The following PKHD1 variants were observed in gnomAD, a reference collection of about 807,000 sequenced individuals.
PKHD1 encodes the protein PKHD1 ciliary IPT domain containing fibrocystin/polyductin.
A neutral mutation model predicts 412.0 loss-of-function variants in PKHD1; 291 were observed. The observed-to-expected ratio is 0.71, with a 90% CI of 0.64 to 0.78. The LOEUF is 0.78. Among genes scored for constraint, PKHD1 ranks in the 30% least tolerant of loss-of-function variants. The pLI is 0.00. For missense variants in PKHD1, 4,825 were observed against 4,950.7 expected (o/e 0.97, Z 0.76); for synonymous variants, 1,777 against 1,821.5 (o/e 0.98, Z 0.62).
At chr6:51,776,925 G>T (rs1562287306) in intron 53 of PKHD1, among the ~76,000 whole-genome samples, 2 of 152,152 alleles carry the variant, frequency 1.3e-5, no homozygotes, top group Admixed American at 1.3e-4. Flanking sequence ...TGTCAAATTA[G>T]CGTTAGTGAG....
At chr6:51,920,867 A>C (rs567249974) in intron 37 of PKHD1, among the ~76,000 whole-genome samples, 1 of 152,318 alleles carries the variant, frequency 6.6e-6, no homozygotes, top group East Asian at 1.9e-4. Flanking sequence ...GTATGTGTCC[A>C]GGAATTTATC....
Position 51,934,121 on chromosome 6 carries a change from A to G in PKHD1, c.6110T>C (p.Leu2037Pro). The G allele has an allele frequency of 1.2e-6, 2 of 1,611,216 alleles. No individual in the cohort carries two copies. The highest frequency in any genetic ancestry group is 1.7e-6 in the Non-Finnish European group (2 of 1,177,272). Residue 2037 changes from leucine to proline, a missense_variant, in exon 37 of 67, where the codon CTT becomes CCT. Coordinates refer to ENST00000371117, the MANE Select transcript of PKHD1 (RefSeq NM_138694.4). ...ATTGCCTCACTCACCGTGCAGAGAA[A>G]GAGTTCCATTCCTCACAGCCAGGAA... ...VKFLAVRNGT[L>P]SLHGSLPEVI... is the part of the protein sequence containing the mutation.
At chr6:51,838,719 T>C (rs1264844348) in intron 50 of PKHD1, among the ~76,000 whole-genome samples, 1 of 152,166 alleles carries the variant, frequency 6.6e-6, no homozygotes, top group Non-Finnish European at 1.5e-5. Flanking sequence ...ATGACAATAG[T>C]GAATGGTGGG....
At chr6:51,757,054 G>C (rs1043615958) in intron 55 of PKHD1, among the ~76,000 whole-genome samples, 1 of 152,126 alleles carries the variant, frequency 6.6e-6, no homozygotes, top group East Asian at 1.9e-4. Context: ...AGGAGGTGGA[G>C]CCCAGGCAGT....
At chr6:51,772,649 A>G in intron 55 of PKHD1, 53 bp downstream of exon 55, 1 of 858,438 alleles carries the variant, frequency 1.2e-6, no homozygotes, top group South Asian at 1.5e-5. Flanking sequence ...TCTCAAGCAG[A>G]AGCAACCTAA....
intron 53 of PKHD1, among the ~76,000 whole-genome samples, chr6:51,778,105 C>A (rs1236294796): frequency 9.2e-6 from 1 of 108,360 alleles, no homozygotes; most frequent in African/African-American, 2.8e-5. Context: ...AGGCTGAGAT[C>A]CTCATTTTCT....
rs544977259 is a variant in PKHD1 at position 52,043,001 on chromosome 6, T to C, written c.2955A>G (p.Thr985=). 2 of 1,614,118 alleles carry C rather than the reference T, an allele frequency of 1.2e-6. No individual in the cohort carries two copies. The highest frequency in any genetic ancestry group is 1.1e-5 in the South Asian group (1 of 91,082). ...FSNQTNVVCQ[T]DLLPVGMHRI... is the part of the protein sequence containing the mutation. The stretch of plus-strand genomic sequence containing the variant: ...GATGCATTCCAACAGGTAGCAAATC[T>C]GTCTGACAGACTACATTGGTCTGGT... Residue 985 remains threonine (T), a synonymous_variant, in exon 27 of 67, where the codon ACA becomes ACG. Transcript: ENST00000371117.
rs1010688416 is a variant in PKHD1, at chr6:52,082,258, C to T, written c.281+134G>A. 9 of 880,400 alleles carry T rather than the reference C, an allele frequency of 1.0e-5. No individual in the cohort carries two copies. In the African/African-American group the frequency reaches 1.5e-4, roughly 15 times the overall value. The allele number at this position is 880,400 out of a possible 1,614,324, so 54.5% of individuals were successfully genotyped here. A position where few individuals can be genotyped will look rare whatever the true frequency, so the allele number is the denominator to read the frequency against. On this transcript the variant is annotated intron_variant, in intron 4 of 66. Coordinates refer to ENST00000371117, the MANE Select transcript of PKHD1 (RefSeq NM_138694.4). ...AGGGACCTTTTAGAAAGCATATTCA[C>T]ATGAAACTTTTTTTAACAACTATGG...
At chr6:52,030,480 G>T (rs1005605358) in intron 29 of PKHD1, among the ~76,000 whole-genome samples, 1 of 152,178 alleles carries the variant, frequency 6.6e-6, no homozygotes, top group Non-Finnish European at 1.5e-5. Context: ...TGAAGCTTCA[G>T]TGTAGTGAGT....
At chr6:51,712,060 G>A (rs949290542) in intron 60 of PKHD1, among the ~76,000 whole-genome samples, 2 of 152,144 alleles carry the variant, frequency 1.3e-5, no homozygotes, top group Admixed American at 1.3e-4. Context: ...TTATCTAGTC[G>A]AGTTGTAGCT....
chr6:51,973,363 C>G lies in PKHD1; in HGVS notation c.5752-13337G>C, dbSNP rs1171847243. On this transcript the variant is annotated intron_variant, in intron 35 of 66. Transcript: ENST00000371117. ...AAATGCACTTTAATCATTTACTTTA[C>G]AGTCACCTGGAATTCATTGTATGCA... Among the ~76,000 whole-genome samples the G allele has an allele frequency of 4.6e-5, 7 of 152,322 alleles. No homozygotes were observed. The East Asian group carries it at 7.7e-4, about 17-fold the overall frequency.
At chr6:51,996,257 C>T (rs1583791652) in intron 35 of PKHD1, among the ~76,000 whole-genome samples, 1 of 151,522 alleles carries the variant, frequency 6.6e-6, no homozygotes, top group Non-Finnish European at 1.5e-5. Context: ...GATCCTCCCG[C>T]CTCAGCCTCC....
chr6:51,968,427 C>T (rs1003859178), intron 35 of PKHD1, among the ~76,000 whole-genome samples: 1 of 152,128 alleles, frequency 6.6e-6, no homozygotes, highest in Non-Finnish European at 1.5e-5. Flanking sequence ...GAGCTGTGCT[C>T]ACAGCTCACT....
chr6:52,014,094 C>T (rs1291846699), intron 34 of PKHD1, among the ~76,000 whole-genome samples: 4 of 152,206 alleles, frequency 2.6e-5, no homozygotes, highest in Non-Finnish European at 5.9e-5. Context: ...TTACTTTGGC[C>T]TTCAATGCCT....
At chr6:51,673,868 G>T (rs185520373) in intron 60 of PKHD1, among the ~76,000 whole-genome samples, 2 of 152,292 alleles carry the variant, frequency 1.3e-5, no homozygotes, top group East Asian at 3.9e-4. Context: ...TGAAAAGAAG[G>T]TTCTTTGAAT....
At chr6:51,970,123 G>A (rs1348315837) in intron 35 of PKHD1, among the ~76,000 whole-genome samples, 2 of 152,012 alleles carry the variant, frequency 1.3e-5, no homozygotes, top group African/African-American at 4.8e-5. Flanking sequence ...TTTTTAATAA[G>A]AGCCATTCTG....
At chr6:52,036,047 C>A (rs545186747) in intron 27 of PKHD1, among the ~76,000 whole-genome samples, 2 of 152,276 alleles carry the variant, frequency 1.3e-5, no homozygotes, top group Non-Finnish European at 2.9e-5. Context: ...ATCATTCCTG[C>A]AATCCTATAA....
intron 37 of PKHD1, among the ~76,000 whole-genome samples, chr6:51,929,622 A>T (rs767894997): frequency 5.9e-5 from 9 of 152,156 alleles, no homozygotes; most frequent in Non-Finnish European, 1.2e-4. Context: ...ATACTCTAGC[A>T]ACTATGAAAA....
chr6:51,964,286 T>C (rs372183131), intron 35 of PKHD1, among the ~76,000 whole-genome samples: 1 of 152,058 alleles, frequency 6.6e-6, no homozygotes, highest in Admixed American at 6.6e-5. Flanking sequence ...AGTGTATGCA[T>C]TGAGCTGGGG....
Sources: allele counts gnomAD v4.1 joint callset (sites outside exome capture counted in the v4.1 genomes callset), GRCh38; gene constraint gnomAD v4.1.1; transcripts MANE v1.5; gene names NCBI Gene and HGNC (gene_info 2026-07-23, HGNC 2026-07-21).